The following TRIM38 variants were observed in gnomAD, a reference collection of about 807,000 sequenced individuals.
TRIM38 encodes the protein E3 ubiquitin-protein ligase TRIM38.
A neutral mutation model predicts 35.8 loss-of-function variants in TRIM38; 35 were observed. That is an observed-to-expected ratio of 0.98 (90% CI 0.75 to 1.30). The LOEUF (loss-of-function observed/expected upper bound fraction) is 1.30. TRIM38 is among the 50% of genes most tolerant of loss of function. The pLI is 0.00. For missense variants in TRIM38, 545 were observed against 556.9 expected, an observed-to-expected ratio of 0.98 and a Z score of 0.21; for synonymous variants, 198 against 204.7, an observed-to-expected ratio of 0.97 and a Z score of 0.28.
chr6:25,969,352 C>T lies in TRIM38; in HGVS notation c.439C>T (p.Leu147=). 1 of 1,612,848 alleles carries T rather than the reference C, an allele frequency of 6.2e-7. No homozygotes were observed. The highest frequency in any genetic ancestry group is 8.5e-7 in the Non-Finnish European group (1 of 1,179,386). Residue 147 remains leucine (L), a synonymous_variant, in exon 4 of 8, where the codon CTG becomes TTG. Transcript: ENST00000357085. ...KEKLQKAVTK[L]KQLEDRCTEQ... is the part of the protein sequence containing the mutation. ...AAAGCTCCAGAAAGCTGTGACAAAA[C>T]TGAAGCAACTTGAAGACAGATGTAC...
Position 25,972,061 on chromosome 6 carries a change from G to A in TRIM38, c.700G>A (p.Glu234Lys). ...ACTCAAGAGCCACATCCTGGAACTG[G>A]AGGAAAAATGTCAGGGCTCAGCCCA... ...NELKSHILELEEKCQGSAQKL... is the reference protein window; with the variant it reads ...NELKSHILELKEKCQGSAQKL... The change falls in exon 5 of 8, where the codon GAG becomes AAG. Residue 234 changes from glutamate to lysine, a missense_variant. Transcript: ENST00000357085. The A allele has an allele frequency of 6.2e-7, 1 of 1,614,196 alleles. No homozygotes were observed. The highest frequency in any genetic ancestry group is 8.5e-7 in the Non-Finnish European group (1 of 1,180,018).
chr6:25,971,865 C>T lies in TRIM38; in HGVS notation c.508-4C>T. The T allele has an allele frequency of 6.2e-7, 1 of 1,613,010 alleles. No homozygotes were observed. Among genetic ancestry groups the T allele is most frequent in the South Asian group, 1.1e-5 (1 of 91,036 alleles). On this transcript the variant is annotated splice_polypyrimidine_tract_variant and splice_region_variant and intron_variant, in intron 4 of 7. Coordinates refer to ENST00000357085, the MANE Select transcript of TRIM38 (RefSeq NM_006355.5). The stretch of plus-strand genomic sequence containing the variant: ...ACCTTTTGACCATACTTTCTTGACT[C>T]CAGGAGAAGGTACAGATTCAGAGAC...
intron 7 of TRIM38, among the ~76,000 whole-genome samples, chr6:25,980,120 C>T (rs1034984922): frequency 5.3e-5 from 8 of 152,198 alleles, no homozygotes; most frequent in African/African-American, 1.7e-4. Context: ...ACTGCATATT[C>T]TCTGCTTACT....
chr6:25,963,595 G>T (rs1469816305), intron 2 of TRIM38, among the ~76,000 whole-genome samples: 1 of 152,164 alleles, frequency 6.6e-6, no homozygotes, highest in Non-Finnish European at 1.5e-5. Context: ...CTGGAGAAGA[G>T]ATAGTAAAAG....
At position 25,987,568 on chromosome 6, in the gene TRIM38, A is replaced by G. The variant is rs961689062; in HGVS notation, c.*3881A>G. ...TCACATTGAATGTGAGAGTTTCTAC[A>G]TATGCATTGTGGGAAACACAAACAT... On this transcript the variant is annotated 3_prime_UTR_variant, in exon 8 of 8. Transcript: ENST00000357085. 1 of 152,202 alleles carries G rather than the reference A, an allele frequency of 6.6e-6. No homozygotes were observed. 9.4% of individuals were successfully genotyped at this position (152,202 alleles called of 1,614,324 possible).
At chr6:25,980,367 A>G (rs933956875) in intron 7 of TRIM38, among the ~76,000 whole-genome samples, 1 of 151,998 alleles carries the variant, frequency 6.6e-6, no homozygotes, top group Non-Finnish European at 1.5e-5. Flanking sequence ...CTAATAATGT[A>G]GTACATTTAT....
chr6:25,972,751 G>A (rs114994910), intron 5 of TRIM38, among the ~76,000 whole-genome samples: 32 of 152,286 alleles, frequency 2.1e-4, no homozygotes, highest in African/African-American at 6.7e-4. Context: ...TCCTTACAGA[G>A]GGAGCATGGA....
chr6:25,964,664 C>T (rs1365539005), intron 2 of TRIM38, among the ~76,000 whole-genome samples: 1 of 152,082 alleles, frequency 6.6e-6, no homozygotes, highest in Non-Finnish European at 1.5e-5. Context: ...CTGCTGATCT[C>T]TAAGGGCCTT....
intron 5 of TRIM38, 109 bp downstream of exon 5, chr6:25,972,208 C>A: frequency 2.1e-6 from 2 of 962,184 alleles, no homozygotes; most frequent in Admixed American, 2.4e-5. Context: ...AGATGTACAT[C>A]AGTGCCATCA....
rs1365059438 is a variant in TRIM38 at position 25,989,440 on chromosome 6, G to A, written c.*5753G>A. 6.6e-6 allele frequency: 1 copy of A among 150,506 alleles called. No individual in the cohort carries two copies. Among genetic ancestry groups the A allele is most frequent in the Non-Finnish European group, 1.5e-5 (1 of 67,790 alleles). 9.3% of individuals were successfully genotyped at this position (150,506 alleles called of 1,614,324 possible). A position where few individuals can be genotyped will look rare whatever the true frequency, so the allele number is the denominator to read the frequency against. On this transcript the variant is annotated 3_prime_UTR_variant, in exon 8 of 8. Transcript: ENST00000357085. ...TCTCATATCACGAGAGTACTCTAAA[G>A]CTAAATAAATTACAGTTTTTCAAAT...
intron 7 of TRIM38, among the ~76,000 whole-genome samples, chr6:25,978,638 C>T (rs572904503): frequency 7.9e-5 from 12 of 151,902 alleles, no homozygotes; most frequent in East Asian, 5.8e-4. Flanking sequence ...GTTGCTGGGA[C>T]TACAGGAACA....
At chr6:25,971,587 A>C (rs551810913) in intron 4 of TRIM38, among the ~76,000 whole-genome samples, 5 of 152,204 alleles carry the variant, frequency 3.3e-5, no homozygotes, top group Non-Finnish European at 7.3e-5. Flanking sequence ...TTCTAAACTG[A>C]AACTCACTAC....
intron 3 of TRIM38, 26 bp downstream of exon 3, chr6:25,966,959 G>A: frequency 6.4e-7 from 1 of 1,573,632 alleles, no homozygotes; most frequent in Non-Finnish European, 8.6e-7. Context: ...CGGGAGCTTT[G>A]GTAAGTACCA....
chr6:25,964,393 C>T (rs1759953678), intron 2 of TRIM38, among the ~76,000 whole-genome samples: 1 of 151,960 alleles, frequency 6.6e-6, no homozygotes, highest in Admixed American at 6.5e-5. Flanking sequence ...TAAATGATTA[C>T]TAGGGAGAAT....
rs1231836688 is a variant in TRIM38 at position 25,972,053 on chromosome 6, TG to T, written c.694del (p.Glu232AsnfsTer17). ...LKSNELKSHI[L>X]ELEEKCQGSA... ...AGCAATGAACTCAAGAGCCACATCC[TG>T]GAACTGGAGGAAAAATGTCAGGGCT... On this transcript the variant is annotated frameshift_variant, in exon 5 of 8. Coordinates refer to ENST00000357085, the MANE Select transcript of TRIM38 (RefSeq NM_006355.5). LOFTEE classifies it high-confidence loss of function. The T allele has an allele frequency of 6.2e-7, 1 of 1,614,144 alleles. No individual in the cohort carries two copies. The highest frequency in any genetic ancestry group is 8.5e-7 in the Non-Finnish European group (1 of 1,180,024).
rs187540935 is a variant in TRIM38, at chr6:25,972,189, G to T, written c.738+90G>T. 17 of 1,191,512 alleles carry T rather than the reference G, an allele frequency of 1.4e-5. 1 individual carries two copies. In the Middle Eastern group the frequency reaches 5.8e-4, roughly 41 times the overall value. 73.8% of individuals were successfully genotyped at this position (1,191,512 alleles called of 1,614,324 possible). On this transcript the variant is annotated intron_variant, in intron 5 of 7. Coordinates refer to ENST00000357085, the MANE Select transcript of TRIM38 (RefSeq NM_006355.5). The stretch of plus-strand genomic sequence containing the variant: ...AGGAAGCATGGGAAGATAAAGTAAT[G>T]TTTCTTTTAGATGTACATCAGTGCC...
intron 7 of TRIM38, among the ~76,000 whole-genome samples, chr6:25,978,044 C>CAT (rs1200640374): frequency 5.3e-5 from 8 of 151,766 alleles, no homozygotes; most frequent in South Asian, 2.1e-4. Flanking sequence ...TACACACACA[C>CAT]ATATATATAT....
intron 7 of TRIM38, 50 bp from the exon 8 acceptor site, chr6:25,983,114 G>A: frequency 1.3e-6 from 2 of 1,512,448 alleles, no homozygotes; most frequent in Middle Eastern, 1.8e-4. Flanking sequence ...AATAACCTGT[G>A]TTCTTCACAG....
At chr6:25,968,564 A>G (rs1474401385) in intron 3 of TRIM38, among the ~76,000 whole-genome samples, 3 of 152,234 alleles carry the variant, frequency 2.0e-5, no homozygotes, top group Admixed American at 6.5e-5. Context: ...AAACAGTTAC[A>G]TAGAACCTTT....
Sources: gnomAD v4.1 joint callset for allele counts (sites outside exome capture counted in the v4.1 genomes callset) on GRCh38, gnomAD v4.1.1 for gene constraint, MANE v1.5 for transcripts, NCBI Gene and HGNC (gene_info 2026-07-23, HGNC 2026-07-21) for gene names.